STPG2: variants seen among roughly 807,000 people sequenced by gnomAD.
STPG2 encodes sperm-tail PG-rich repeat-containing protein 2.
In STPG2, 56 loss-of-function variants were observed where a neutral mutation model predicts 54.2. That is an observed-to-expected ratio of 1.03 (90% CI 0.83 to 1.29). STPG2 has a LOEUF of 1.29. STPG2 is among the 50% of genes most tolerant of loss of function. The pLI is 0.00. For missense variants in STPG2, 596 were observed against 544.9 expected (o/e 1.09, Z -0.93); for synonymous variants, 200 against 181.8 (o/e 1.10, Z -0.81).
chr4:97,848,520 T>A (rs1431446166), intron 8 of STPG2, among the ~76,000 whole-genome samples: 1 of 152,172 alleles, frequency 6.6e-6, no homozygotes, highest in Non-Finnish European at 1.5e-5. Context: ...TATTTATAGG[T>A]CCTTTCATGT....
At chr4:97,880,113 C>A (rs888310271) in intron 8 of STPG2, among the ~76,000 whole-genome samples, 4 of 152,114 alleles carry the variant, frequency 2.6e-5, no homozygotes, top group African/African-American at 9.7e-5. Flanking sequence ...CAATACCGTA[C>A]AGCCTTCTAA....
At chr4:98,071,366 C>T (rs554173239) in intron 5 of STPG2, among the ~76,000 whole-genome samples, 193 of 152,016 alleles carry the variant, frequency 1.3e-3, no homozygotes, top group African/African-American at 4.3e-3. Flanking sequence ...GCTAGCCATA[C>T]GCAGAAAATT....
rs1033209331 is a variant in STPG2, at chr4:97,644,098, G to C, written c.1320+68601C>G. ...GAATGAAATTTAAAGAGGGGGTGAT[G>C]CTTATTTGATGTAACCTTTGATCTT... On this transcript the variant is annotated intron_variant, in intron 10 of 10. Transcript: ENST00000295268. Among the ~76,000 whole-genome samples the C allele has an allele frequency of 3.3e-5, 5 of 151,762 alleles. No individual in the cohort carries two copies. In the South Asian group the frequency reaches 6.2e-4, roughly 19 times the overall value.
At chr4:97,550,214 C>G (rs972360806) in intron 4 of STPG2, among the ~76,000 whole-genome samples, 1 of 151,978 alleles carries the variant, frequency 6.6e-6, no homozygotes, top group Admixed American at 6.6e-5. Context: ...GTGCTCCTCA[C>G]TACTAAAGAT....
intron 8 of STPG2, among the ~76,000 whole-genome samples, chr4:97,848,440 C>G (rs1729036156): frequency 1.3e-5 from 2 of 152,060 alleles, no homozygotes; most frequent in African/African-American, 2.4e-5. Flanking sequence ...AATTTTTCCA[C>G]TATTCTCTCA....
chr4:97,590,984 G>A (rs1279645896), intron 10 of STPG2, among the ~76,000 whole-genome samples: 1 of 151,972 alleles, frequency 6.6e-6, no homozygotes, highest in African/African-American at 2.4e-5. Context: ...ACCAAGAAGT[G>A]AATTCTTCAC....
chr4:97,885,662 T>C (rs181255350), intron 8 of STPG2, among the ~76,000 whole-genome samples: 2 of 152,258 alleles, frequency 1.3e-5, no homozygotes, highest in Admixed American at 1.3e-4. Context: ...CAAACACAAA[T>C]TGAAAATACT....
At chr4:97,723,050 G>C (rs557002826) in intron 9 of STPG2, among the ~76,000 whole-genome samples, 1 of 143,908 alleles carries the variant, frequency 6.9e-6, no homozygotes, top group Non-Finnish European at 1.5e-5. Flanking sequence ...CTGACCTCTT[G>C]ATCCGCCAGC....
intron 5 of STPG2, among the ~76,000 whole-genome samples, chr4:98,011,222 G>A (rs983298514): frequency 1.3e-5 from 2 of 151,990 alleles, no homozygotes; most frequent in African/African-American, 4.8e-5. Context: ...TTTGTTTTCT[G>A]TTCCTGTGTT....
chr4:97,653,971 T>C (rs1250706857), intron 10 of STPG2, among the ~76,000 whole-genome samples: 2 of 149,986 alleles, frequency 1.3e-5, no homozygotes, highest in Non-Finnish European at 3.0e-5. Flanking sequence ...GAGATATAAA[T>C]GCAAGGGTTA....
intron 5 of STPG2, among the ~76,000 whole-genome samples, chr4:98,058,323 A>C (rs1737542281): frequency 6.6e-6 from 1 of 152,296 alleles, no homozygotes; most frequent in African/African-American, 2.4e-5. Flanking sequence ...CTCATCTCAC[A>C]CACAGTGACA....
In STPG2 at chr4:97,636,293, C is replaced by T. The variant is rs1478869307; in HGVS notation, c.1320+76406G>A. Among the ~76,000 whole-genome samples, 520 of 135,990 alleles carry T rather than the reference C, an allele frequency of 3.8e-3. 1 individual carries two copies. Among genetic ancestry groups the T allele is most frequent in the African/African-American group, 0.013 (495 of 36,922 alleles). 89.2% of individuals were successfully genotyped at this position (135,990 alleles called of 152,430 possible). A position where few individuals can be genotyped will look rare whatever the true frequency, so the allele number is the denominator to read the frequency against. On this transcript the variant is annotated intron_variant, in intron 10 of 10. Coordinates refer to ENST00000295268, the MANE Select transcript of STPG2 (RefSeq NM_174952.3). ...AAATAAAGATGTTCTTTGAAACCAA[C>T]GAGAACAAAGATACAACATACCAGA...
intron 4 of STPG2, among the ~76,000 whole-genome samples, chr4:97,538,971 C>A (rs544592325): frequency 5.9e-5 from 9 of 152,106 alleles, no homozygotes; most frequent in African/African-American, 1.7e-4. Context: ...GAAATAAAAT[C>A]CTTTACAGAT....
intron 10 of STPG2, among the ~76,000 whole-genome samples, chr4:97,650,574 TA>T (rs1722038276): frequency 6.6e-6 from 1 of 152,080 alleles, no homozygotes; most frequent in Non-Finnish European, 1.5e-5. Flanking sequence ...CTGGGATCAA[TA>T]AAAAGGAAAT....
chr4:97,723,473 T>C (rs892988142), intron 9 of STPG2, among the ~76,000 whole-genome samples: 1 of 152,182 alleles, frequency 6.6e-6, no homozygotes, highest in Non-Finnish European at 1.5e-5. Flanking sequence ...CTGAATCTGA[T>C]TTCTTTTTAA....
intron 7 of STPG2, among the ~76,000 whole-genome samples, chr4:97,970,795 T>C (rs1189382278): frequency 2.0e-5 from 3 of 151,784 alleles, no homozygotes; most frequent in Non-Finnish European, 2.9e-5. Context: ...GCAACAAAAG[T>C]CAAAATTGAC....
chr4:97,904,023 A>T (rs1731289663), intron 8 of STPG2, among the ~76,000 whole-genome samples: 1 of 152,108 alleles, frequency 6.6e-6, no homozygotes, highest in Non-Finnish European at 1.5e-5. Flanking sequence ...AGGCTGGGGG[A>T]GGGGCGCCCA....
At chr4:97,499,237 G>T (rs539952742) in intron 4 of STPG2, among the ~76,000 whole-genome samples, 18 of 152,096 alleles carry the variant, frequency 1.2e-4, no homozygotes, top group South Asian at 2.1e-4. Context: ...TAGATGGGAT[G>T]AGAGTGCCCT....
intron 9 of STPG2, among the ~76,000 whole-genome samples, chr4:97,729,895 T>C (rs573306429): frequency 3.2e-4 from 48 of 152,252 alleles, no homozygotes; most frequent in Non-Finnish European, 5.9e-4. Context: ...TTTGCTGTTA[T>C]TGCCTAGAAA....
Sources: allele counts gnomAD v4.1 joint callset (sites outside exome capture counted in the v4.1 genomes callset), GRCh38; gene constraint gnomAD v4.1.1; transcripts MANE v1.5; gene names NCBI Gene and HGNC (gene_info 2026-07-23, HGNC 2026-07-21).